ATRX: variants seen among roughly 807,000 people sequenced by gnomAD.
ATRX encodes chromatin remodeler ATRX.
Under a neutral mutation model 172.6 loss-of-function variants are expected in ATRX, and 12 were observed. That is an observed-to-expected ratio of 0.07 (90% CI 0.04 to 0.11). ATRX has a LOEUF of 0.11. Among genes scored for constraint, ATRX ranks in the 10% least tolerant of loss-of-function variants. The probability of loss-of-function intolerance (pLI) is 1.00; values close to 1 mark genes in which losing one functional copy is unlikely to be tolerated. For missense variants in ATRX, 1,368 were observed against 1,767.4 expected (o/e 0.77, Z 4.05); for synonymous variants, 674 against 594.7 (o/e 1.13, Z -1.94).
intron 21 of ATRX, among the ~76,000 whole-genome samples, chrX:77,618,480 C>T (rs1569531514): frequency 8.9e-6 from 1 of 111,757 alleles, no homozygotes; most frequent in African/African-American, 3.2e-5. Context: ...TTAGGGTGAG[C>T]ATAGGAACTT....
chrX:77,683,890 C>T lies in ATRX; in HGVS notation c.1366G>A (p.Asp456Asn), dbSNP rs782313786. The T allele has an allele frequency of 4.1e-6, 5 of 1,207,174 alleles. No homozygotes were observed. The highest frequency in any genetic ancestry group is 5.6e-6 in the Non-Finnish European group (5 of 892,719). The change falls in exon 9 of 35, where the codon GAT (aspartate) becomes AAT (asparagine). Residue 456 changes from aspartate (D) to asparagine (N), a missense_variant. Coordinates refer to ENST00000373344, the MANE Select transcript of ATRX (RefSeq NM_000489.6). ...GEKPCALEKKDISKSEAKLSR... is the reference protein window; with the variant it reads ...GEKPCALEKKNISKSEAKLSR... ...AGTTTAGCTTCTGACTTTGAAATAT[C>T]CTTCTTTTCCAAAGCACAAGGTTTT...
chrX:77,722,483 C>G (rs2148775777), intron 1 of ATRX, among the ~76,000 whole-genome samples: 1 of 110,994 alleles, frequency 9.0e-6, no homozygotes, highest in East Asian at 2.8e-4. Flanking sequence ...AGAACTTAAA[C>G]AAATTTACAA....
chrX:77,744,555 C>A (rs1386568589), intron 1 of ATRX, among the ~76,000 whole-genome samples: 1 of 111,561 alleles, frequency 9.0e-6, no homozygotes, highest in African/African-American at 3.3e-5. Context: ...AAAATGAAAT[C>A]CACAAAATCC....
intron 1 of ATRX, among the ~76,000 whole-genome samples, chrX:77,729,827 C>T (rs1557175275): frequency 9.0e-6 from 1 of 111,203 alleles, no homozygotes; most frequent in Non-Finnish European, 1.9e-5. Flanking sequence ...GTCCCAGCTA[C>T]TCGGTAGGCT....
chrX:77,769,695 A>G (rs1187420788), intron 1 of ATRX, among the ~76,000 whole-genome samples: 1 of 111,916 alleles, frequency 8.9e-6, no homozygotes, highest in African/African-American at 3.2e-5. Flanking sequence ...TCTTTTTACA[A>G]TATTATTTGA....
At chrX:77,538,847 G>T (rs1387005974) in intron 30 of ATRX, among the ~76,000 whole-genome samples, 2 of 110,088 alleles carry the variant, frequency 1.8e-5, no homozygotes, top group Non-Finnish European at 3.8e-5. Flanking sequence ...AAGGTAAAGG[G>T]CCTTGTTGGA....
At chrX:77,709,137 G>C (rs1222617862) in intron 2 of ATRX, among the ~76,000 whole-genome samples, 1 of 111,465 alleles carries the variant, frequency 9.0e-6, no homozygotes. Flanking sequence ...GAGAGGCTGA[G>C]GCAGGAGGAT....
chrX:77,734,208 A>AATAC (rs201853848), intron 1 of ATRX, among the ~76,000 whole-genome samples: 8,083 of 91,942 alleles, frequency 0.088, 352 homozygotes, highest in South Asian at 0.16. Context: ...TTCTGTCTCA[A>AATAC]ATACATACAT....
At chrX:77,706,560 G>GA (rs1557157088) in intron 2 of ATRX, among the ~76,000 whole-genome samples, 1 of 110,755 alleles carries the variant, frequency 9.0e-6, no homozygotes, top group African/African-American at 3.3e-5. Flanking sequence ...GCAACAAAAG[G>GA]AAAAACAGAT....
At chrX:77,610,781 C>T (rs1413280015) in intron 22 of ATRX, among the ~76,000 whole-genome samples, 3 of 108,459 alleles carry the variant, frequency 2.8e-5, no homozygotes, top group African/African-American at 1.0e-4. Context: ...TATCTTCCTG[C>T]ATGGTATTAG....
intron 1 of ATRX, among the ~76,000 whole-genome samples, chrX:77,731,539 T>C (rs1207031473): frequency 9.0e-6 from 1 of 111,600 alleles, no homozygotes; most frequent in Non-Finnish European, 1.9e-5. Flanking sequence ...CTATTCCTGT[T>C]TGTCCGCTCT....
At chrX:77,679,731 AT>A (rs1457490221) in intron 9 of ATRX, among the ~76,000 whole-genome samples, 1 of 111,940 alleles carries the variant, frequency 8.9e-6, no homozygotes, top group East Asian at 2.8e-4. Context: ...AAGTTTAAAA[AT>A]AGCCAGACTA....
intron 27 of ATRX, among the ~76,000 whole-genome samples, chrX:77,581,409 C>T (rs782534923): frequency 7.1e-4 from 79 of 111,695 alleles, no homozygotes; most frequent in Non-Finnish European, 1.1e-3. Flanking sequence ...AGAGCAGGAA[C>T]AGCTATACTT....
chrX:77,652,430 C>A (rs2148441941), intron 14 of ATRX, 77 bp from the exon 15 acceptor site: 1 of 1,063,245 alleles, frequency 9.4e-7, no homozygotes, highest in South Asian at 2.1e-5. Flanking sequence ...TTAATTAACA[C>A]AGCAGGAAAA....
At chrX:77,592,773 T>C (rs1019087664) in intron 26 of ATRX, among the ~76,000 whole-genome samples, 49 of 106,272 alleles carry the variant, frequency 4.6e-4, no homozygotes, top group Admixed American at 4.3e-3. Flanking sequence ...GATCGCACCA[T>C]TGCACTCCCG....
intron 1 of ATRX, among the ~76,000 whole-genome samples, chrX:77,755,599 G>A (rs1177285500): frequency 8.9e-6 from 1 of 111,994 alleles, no homozygotes; most frequent in Non-Finnish European, 1.9e-5. Context: ...CTCTTATGCA[G>A]GTCTGCTGCA....
chrX:77,574,917 C>T (rs905542549), intron 27 of ATRX, among the ~76,000 whole-genome samples: 7 of 108,704 alleles, frequency 6.4e-5, no homozygotes, highest in African/African-American at 2.0e-4. Flanking sequence ...TAAAGGAGTA[C>T]GACTTTATGA....
intron 8 of ATRX, 21 bp downstream of exon 8, chrX:77,684,918 T>C (rs782565709): frequency 1.7e-6 from 2 of 1,165,878 alleles, no homozygotes; most frequent in Non-Finnish European, 2.3e-6. Flanking sequence ...CACTGAATGT[T>C]AGCTCATCTA....
rs72628488 is a variant in ATRX, at chrX:77,744,104, C to G, written c.21-26861G>C. Among the ~76,000 whole-genome samples, 57 of 112,252 alleles carry G rather than the reference C, an allele frequency of 5.1e-4. 2 individuals are homozygous for G. The East Asian group carries it at 0.013, about 26-fold the overall frequency. ...GCCAAGGAGAGAGGATTGCTTGAGA[C>G]CAGGAGTTCAAGACCAGCCTGGGCA... On this transcript the variant is annotated intron_variant, in intron 1 of 34. Coordinates refer to ENST00000373344, the MANE Select transcript of ATRX (RefSeq NM_000489.6).
Sources: gnomAD v4.1 joint callset for allele counts (sites outside exome capture counted in the v4.1 genomes callset) on GRCh38, gnomAD v4.1.1 for gene constraint, MANE v1.5 for transcripts, NCBI Gene and HGNC (gene_info 2026-07-23, HGNC 2026-07-21) for gene names.